The following PPFIA3 variants were observed in gnomAD, a reference collection of about 807,000 sequenced individuals.
PPFIA3 encodes the protein PPFI scaffold protein A3, also known as liprin-alpha-3.
PPFIA3 carries 26 observed loss-of-function variants against 145.8 expected under a neutral mutation model. The ratio of observed to expected loss-of-function variants is 0.18; its 90% confidence interval spans 0.13 to 0.25. The LOEUF (loss-of-function observed/expected upper bound fraction) is 0.25, where lower values mean the gene tolerates loss of function less well. Ranked by LOEUF, PPFIA3 falls within the 10% of genes least tolerant of loss-of-function variation. The pLI is 1.00. For missense variants in PPFIA3, 1,008 were observed against 1,587.8 expected (o/e 0.63, Z 6.21); for synonymous variants, 645 against 661.4 (o/e 0.98, Z 0.38).
chr19:49,147,686 AAGAGAGAGAGAGAGAG>A (rs143496485), intron 23 of PPFIA3, among the ~76,000 whole-genome samples: 1 of 145,710 alleles, frequency 6.9e-6, no homozygotes, highest in Non-Finnish European at 1.5e-5. Flanking sequence ...CTCTTTCAGA[AAGAGAGAGAGAGAGAG>A]AGAGAGAGAA....
In PPFIA3 at chr19:49,128,064, G is replaced by A; in HGVS notation, c.191G>A (p.Gly64Asp). The part of the protein sequence containing the change: ...ATAQLRLREL[G>D]HEKDSLQRQL... The stretch of plus-strand genomic sequence containing the variant: ...GCGCAGCTGCGGCTGCGCGAGCTCG[G>A]CCACGAGAAGGACTCGCTGCAGCGC... The change falls in exon 2 of 30, where the codon GGC becomes GAC. Residue 64 changes from glycine to aspartate, a missense_variant. Gly to Asp is a moderately conservative substitution (Grantham distance 94). Around this residue, in one of 11 missense-constraint regions of PPFIA3, gnomAD observed 108 missense variants for 144.3 expected, o/e 0.75. Coordinates refer to ENST00000334186, the MANE Select transcript of PPFIA3 (RefSeq NM_003660.4). This position sits in a 1 kb window ranked among gnomAD's most constrained non-coding sequence, Gnocchi z 4.1. 1.3e-6 allele frequency: 2 copies of A among 1,587,700 alleles called. No homozygotes were observed. Among genetic ancestry groups the A allele is most frequent in the African/African-American group, 2.7e-5 (2 of 74,710 alleles).
rs1019581491 is a variant in PPFIA3, at chr19:49,133,303, C to T, written c.1093C>T (p.Leu365=). 9.9e-6 allele frequency: 16 copies of T among 1,610,756 alleles called. No homozygotes were observed. Among genetic ancestry groups the T allele is most frequent in the Non-Finnish European group, 1.4e-5 (16 of 1,179,132 alleles). Residue 365 remains leucine, a synonymous_variant, in exon 9 of 30, where the codon CTG becomes TTG. Coordinates refer to ENST00000334186, the MANE Select transcript of PPFIA3 (RefSeq NM_003660.4). This position sits in a 1 kb window ranked among gnomAD's most constrained non-coding sequence, Gnocchi z 7.2. ...CGCCAAGCAGAAGCTGCAGCAGACGCTGCAGAAAGCGGAGACCTTGCCCGA... is the reference window on the plus strand; with the variant it reads ...CGCCAAGCAGAAGCTGCAGCAGACGTTGCAGAAAGCGGAGACCTTGCCCGA... ...DDAKQKLQQT[L]QKAETLPEIE...
At chr19:49,127,714 A>C in intron 1 of PPFIA3, 145 bp from the exon 2 acceptor site, 1 of 937,630 alleles carries the variant, frequency 1.1e-6, no homozygotes, top group Non-Finnish European at 1.5e-6. Context: ...TGTCATGATC[A>C]CAGTGCCTGG....
chr19:49,139,682 G>A lies in PPFIA3; in HGVS notation c.2091G>A (p.Lys697=), dbSNP rs1303661476. The A allele has an allele frequency of 2.5e-6, 4 of 1,604,918 alleles. No homozygotes were observed. Among genetic ancestry groups the A allele is most frequent in the Non-Finnish European group, 2.6e-6 (3 of 1,175,682 alleles). ...TCTGTCCTCAGAATCATGTCCCTAA[G>A]GAGGAAGCTGGAGCTCCACGAGGGG... ...EGTDKANHVP[K]EEAGAPRGEG... The change falls in exon 17 of 30, where the codon AAG becomes AAA. Residue 697 remains lysine (K), a synonymous_variant. Coordinates refer to ENST00000334186, the MANE Select transcript of PPFIA3 (RefSeq NM_003660.4).
At chr19:49,135,068 G>A (rs2041122334) in intron 13 of PPFIA3, among the ~76,000 whole-genome samples, 153 bp downstream of exon 13, 1 of 151,712 alleles carries the variant, frequency 6.6e-6, no homozygotes, top group Admixed American at 6.6e-5. Flanking sequence ...TTGAGACAGA[G>A]TCTCACTCTG....
Position 49,136,846 on chromosome 19 carries a change from G to A in PPFIA3, c.1788G>A (p.Gln596=), listed in dbSNP as rs1366323526. ...FGAELLSPSG[Q]ADVQTLAIML... is the part of the protein sequence containing the mutation. The stretch of plus-strand genomic sequence containing the variant: ...CCGAGCTGCTGTCCCCCAGTGGGCA[G>A]GCTGACGTGCAGACGCTGGCCATCA... Residue 596 remains glutamine (Q), a synonymous_variant, in exon 15 of 30, where the codon CAG becomes CAA. Transcript: ENST00000334186. The A allele has an allele frequency of 6.3e-7, 1 of 1,588,940 alleles. No individual in the cohort carries two copies. The highest frequency in any genetic ancestry group is 8.6e-7 in the Non-Finnish European group (1 of 1,167,810).
rs1418519274 is a variant in PPFIA3 at position 49,120,735 on chromosome 19, A to G, written c.-16+1013A>G. Among the ~76,000 whole-genome samples, 6 of 151,830 alleles carry G rather than the reference A, an allele frequency of 4.0e-5. No individual in the cohort carries two copies. Among genetic ancestry groups the G allele is most frequent in the African/African-American group, 1.2e-4 (5 of 41,280 alleles). On this transcript the variant is annotated intron_variant, in intron 1 of 29. Transcript: ENST00000334186. This position sits in a 1 kb window ranked among gnomAD's most constrained non-coding sequence, Gnocchi z 4.6. ...ATGCAGTTCTCTGACTTCTGTTCACACTCCCACTTGGGGACCTAAATGTCT... is the reference window on the plus strand; with the variant it reads ...ATGCAGTTCTCTGACTTCTGTTCACGCTCCCACTTGGGGACCTAAATGTCT...
rs1334192618 is a variant in PPFIA3 at position 49,133,925 on chromosome 19, G to A, written c.1245+46G>A. The A allele has an allele frequency of 6.2e-7, 1 of 1,611,334 alleles. No homozygotes were observed. The highest frequency in any genetic ancestry group is 8.5e-7 in the Non-Finnish European group (1 of 1,179,086). ...ACAGAGGGTGGGGCTTCGAGGCTGG[G>A]GCGGAGCTTAATAAGGAGGCTGGGC... On this transcript the variant is annotated intron_variant, in intron 10 of 29. Coordinates refer to ENST00000334186, the MANE Select transcript of PPFIA3 (RefSeq NM_003660.4). The surrounding 1 kb of genome is among the most constrained non-coding windows in gnomAD (Gnocchi z 7.2).
Position 49,134,087 on chromosome 19 carries a change from G to C in PPFIA3, c.1299G>C (p.Thr433=). Residue 433 remains threonine (T), a synonymous_variant, in exon 11 of 30, where the codon ACG becomes ACC. Transcript: ENST00000334186. The part of the protein sequence containing the change: ...NDDHNKRLSE[T]VDKLLSESNE... ...ACCACAATAAGCGGCTGTCCGAGAC[G>C]GTGGACAAGCTGCTGAGCGAGTCCA... The C allele has an allele frequency of 1.2e-6, 2 of 1,614,000 alleles. No homozygotes were observed. The highest frequency in any genetic ancestry group is 8.5e-7 in the Non-Finnish European group (1 of 1,179,940).
At position 49,133,699 on chromosome 19, in the gene PPFIA3, G is replaced by A. The variant is rs2041103136; in HGVS notation, c.1162-97G>A. The stretch of plus-strand genomic sequence containing the variant: ...GTGCAGGGGAGGAGCCTGGCGCTGT[G>A]GGGGCGGAGCCTGGCGCTCAGCCTT... On this transcript the variant is annotated intron_variant, in intron 9 of 29. Coordinates refer to ENST00000334186, the MANE Select transcript of PPFIA3 (RefSeq NM_003660.4). This position sits in a 1 kb window ranked among gnomAD's most constrained non-coding sequence, Gnocchi z 7.2. 2 of 1,305,824 alleles carry A rather than the reference G, an allele frequency of 1.5e-6. No homozygotes were observed. Among genetic ancestry groups the A allele is most frequent in the Non-Finnish European group, 2.2e-6 (2 of 917,892 alleles). 80.9% of individuals were successfully genotyped at this position (1,305,824 alleles called of 1,614,324 possible).
At position 49,133,906 on chromosome 19, in the gene PPFIA3, G is replaced by A. The variant is rs765979150; in HGVS notation, c.1245+27G>A. 4 of 1,612,382 alleles carry A rather than the reference G, an allele frequency of 2.5e-6. No homozygotes were observed. The highest frequency in any genetic ancestry group is 8.5e-7 in the Non-Finnish European group (1 of 1,179,776). On this transcript the variant is annotated intron_variant, in intron 10 of 29. Coordinates refer to ENST00000334186, the MANE Select transcript of PPFIA3 (RefSeq NM_003660.4). This position sits in a 1 kb window ranked among gnomAD's most constrained non-coding sequence, Gnocchi z 7.2. ...TGAGGGGGCGGAAGACTGCACAGAG[G>A]GTGGGGCTTCGAGGCTGGGGCGGAG...
Position 49,124,650 on chromosome 19 carries a change from C to T in PPFIA3, c.-15-3209C>T, listed in dbSNP as rs1368578327. Among the ~76,000 whole-genome samples, 7 of 152,118 alleles carry T rather than the reference C, an allele frequency of 4.6e-5. No individual in the cohort carries two copies. The East Asian group carries it at 1.3e-3, about 29-fold the overall frequency. On this transcript the variant is annotated intron_variant, in intron 1 of 29. Coordinates refer to ENST00000334186, the MANE Select transcript of PPFIA3 (RefSeq NM_003660.4). Reference sequence around the variant, plus strand: ...CCCCACCCTGTACTGTGTGTAGTAACCTTCTAGGTTCTATGTCCAGCCTTG... The same window carrying T: ...CCCCACCCTGTACTGTGTGTAGTAATCTTCTAGGTTCTATGTCCAGCCTTG...
Position 49,138,320 on chromosome 19 carries a change from C to G in PPFIA3, c.1969C>G (p.Pro657Ala), listed in dbSNP as rs1419788549. ...GRYRSSCSLPPSLTTSTLASP... is the reference protein window; with the variant it reads ...GRYRSSCSLPASLTTSTLASP... ...CTACCGCAGCAGCTGCTCCCTGCCC[C>G]CCTCCCTCACCACCTCTACCCTTGC... Residue 657 changes from proline to alanine, a missense_variant, in exon 16 of 30, where the codon CCC becomes GCC. Transcript: ENST00000334186. The G allele has an allele frequency of 1.9e-6, 3 of 1,612,912 alleles. No individual in the cohort carries two copies. Among genetic ancestry groups the G allele is most frequent in the Middle Eastern group, 1.7e-4 (1 of 5,780 alleles).
rs1355900519 is a variant in PPFIA3, at chr19:49,128,220, G to C, written c.240+107G>C. 2.7e-6 allele frequency: 4 copies of C among 1,486,428 alleles called. No homozygotes were observed. Among genetic ancestry groups the C allele is most frequent in the Non-Finnish European group, 3.6e-6 (4 of 1,104,012 alleles). The allele number at this position is 1,486,428 out of a possible 1,614,324, so 92.1% of individuals were successfully genotyped here. ...CCTGGAAGGGAGGAGTCTGGGCGAG[G>C]CTTGCCGTTAATGGGCGGGGCCTGA... On this transcript the variant is annotated intron_variant, in intron 2 of 29. Coordinates refer to ENST00000334186, the MANE Select transcript of PPFIA3 (RefSeq NM_003660.4). The surrounding 1 kb of genome is among the most constrained non-coding windows in gnomAD (Gnocchi z 4.1).
Position 49,149,761 on chromosome 19 carries a change from G to A in PPFIA3, c.3526+43G>A, listed in dbSNP as rs1181238152. On this transcript the variant is annotated intron_variant, in intron 28 of 29. Transcript: ENST00000334186. This position sits in a 1 kb window ranked among gnomAD's most constrained non-coding sequence, Gnocchi z 5.7. ...GCGACAGCCCTTCCTCGCTTCCCTA[G>A]GGTGGGGCATGGACCACCTCAGTAG... 5.1e-6 allele frequency: 8 copies of A among 1,566,648 alleles called. No homozygotes were observed. Among genetic ancestry groups the A allele is most frequent in the Non-Finnish European group, 6.9e-6 (8 of 1,159,970 alleles).
intron 23 of PPFIA3, among the ~76,000 whole-genome samples, chr19:49,146,896 C>CTGGAGTGACAGTACAA (rs1487172813): frequency 6.6e-6 from 1 of 152,112 alleles, no homozygotes; most frequent in African/African-American, 2.4e-5. Flanking sequence ...CACCATTGTA[C>CTGGAGTGACAGTACAA]TCCAGCCTGG....
At position 49,120,049 on chromosome 19, in the gene PPFIA3, G is replaced by A. The variant is rs1206432716; in HGVS notation, c.-16+327G>A. ...GGGAGCTCCAGACACCCGCCGCGGC[G>A]GTGCCAGACTCCCCAGACGCGTCCG... On this transcript the variant is annotated intron_variant, in intron 1 of 29. Coordinates refer to ENST00000334186, the MANE Select transcript of PPFIA3 (RefSeq NM_003660.4). The surrounding 1 kb of genome is among the most constrained non-coding windows in gnomAD (Gnocchi z 4.6). 6.6e-6 allele frequency among the ~76,000 whole-genome samples: 1 copy of A among 151,856 alleles called. No individual in the cohort carries two copies. Among genetic ancestry groups the A allele is most frequent in the African/African-American group, 2.4e-5 (1 of 41,338 alleles).
chr19:49,124,231 T>C (rs957771029), intron 1 of PPFIA3, among the ~76,000 whole-genome samples: 2 of 151,936 alleles, frequency 1.3e-5, no homozygotes, highest in Admixed American at 6.6e-5. Context: ...TTAATTTTTG[T>C]ATTTTTTTGT....
intron 23 of PPFIA3, chr19:49,146,532 C>A (rs1301665165): frequency 1.5e-5 from 6 of 403,296 alleles, no homozygotes; most frequent in Non-Finnish European, 2.7e-5. Context: ...CTACAGTGGA[C>A]TGCTCAGTGT....
Sources: gnomAD v4.1 joint callset for allele counts (sites outside exome capture counted in the v4.1 genomes callset) on GRCh38, gnomAD v4.1.1 for gene constraint, gnomAD v4.1.1 regional missense constraint, Gnocchi (gnomAD v3.1) non-coding constraint, MANE v1.5 for transcripts, NCBI Gene and HGNC (gene_info 2026-07-23, HGNC 2026-07-21) for gene names.